ULK4: variants seen among roughly 807,000 people sequenced by gnomAD.
ULK4 encodes the protein inactive serine/threonine-protein kinase ULK4.
Under a neutral mutation model 160.6 loss-of-function variants are expected in ULK4, and 133 were observed. The ratio of observed to expected loss-of-function variants is 0.83; its 90% CI spans 0.72 to 0.96. ULK4 has a LOEUF of 0.96. Among genes scored for constraint, ULK4 ranks in the 40% least tolerant of loss-of-function variants. The probability of loss-of-function intolerance (pLI) is 0.00; values close to 1 mark genes in which losing one functional copy is unlikely to be tolerated. For missense variants in ULK4, 1,580 were observed against 1,499.5 expected, an observed-to-expected ratio of 1.05 and a Z score of -0.89; for synonymous variants, 534 against 539.8, an observed-to-expected ratio of 0.99 and a Z score of 0.15.
At chr3:41,799,754 T>C (rs1001826598) in intron 20 of ULK4, among the ~76,000 whole-genome samples, 7 of 152,172 alleles carry the variant, frequency 4.6e-5, no homozygotes, top group Admixed American at 2.6e-4. Context: ...TCCCAGCTAC[T>C]TGGGAGGCTG....
intron 35 of ULK4, among the ~76,000 whole-genome samples, chr3:41,261,690 C>G (rs1376382960): frequency 6.6e-6 from 1 of 152,136 alleles, no homozygotes; most frequent in Non-Finnish European, 1.5e-5. Flanking sequence ...CATTTCCAGG[C>G]AAAGCAGGAA....
chr3:41,929,189 AC>A (rs1699493086), intron 5 of ULK4, among the ~76,000 whole-genome samples: 1 of 152,206 alleles, frequency 6.6e-6, no homozygotes, highest in Non-Finnish European at 1.5e-5. Context: ...GGTTCAACAT[AC>A]ACAAATCAAT....
chr3:41,871,495 C>G (rs1037112694), intron 17 of ULK4, among the ~76,000 whole-genome samples: 18 of 152,346 alleles, frequency 1.2e-4, no homozygotes, highest in Admixed American at 9.8e-4. Context: ...ATATACAGAG[C>G]TAGTTTTTCA....
chr3:41,540,512 C>T (rs1458364564), intron 32 of ULK4, among the ~76,000 whole-genome samples: 1 of 152,182 alleles, frequency 6.6e-6, no homozygotes, highest in Admixed American at 6.5e-5. Context: ...GTGCATGTGT[C>T]TTTATAGAAG....
chr3:41,689,808 G>T (rs13323270), intron 27 of ULK4, among the ~76,000 whole-genome samples: 15,910 of 150,284 alleles, frequency 0.11, 2,080 homozygotes, highest in African/African-American at 0.32. Flanking sequence ...CTGGAGAGGA[G>T]GTGGAGAAAT....
At chr3:41,855,035 G>C (rs775483639) in intron 17 of ULK4, 2 of 150,456 alleles carry the variant, frequency 1.3e-5, no homozygotes, top group Non-Finnish European at 2.9e-5. Flanking sequence ...TCACAGAATC[G>C]GCCTCTGAAT....
At chr3:41,487,050 G>A (rs1367449353) in intron 32 of ULK4, among the ~76,000 whole-genome samples, 2 of 152,150 alleles carry the variant, frequency 1.3e-5, no homozygotes, top group African/African-American at 4.8e-5. Flanking sequence ...TAATCAGTAC[G>A]TAGTTTCCTT....
intron 30 of ULK4, among the ~76,000 whole-genome samples, chr3:41,656,966 T>C (rs986480863): frequency 6.6e-6 from 1 of 152,186 alleles, no homozygotes; most frequent in African/African-American, 2.4e-5. Flanking sequence ...TTGCTTTCTC[T>C]GAGAGGAATG....
chr3:41,424,955 T>C (rs1221322673), intron 34 of ULK4, among the ~76,000 whole-genome samples: 1 of 151,692 alleles, frequency 6.6e-6, no homozygotes, highest in African/African-American at 2.4e-5. Flanking sequence ...GATGGTGGAA[T>C]TGACAGAAGT....
intron 32 of ULK4, among the ~76,000 whole-genome samples, chr3:41,535,866 T>C (rs891923785): frequency 1.3e-5 from 2 of 152,204 alleles, no homozygotes; most frequent in Non-Finnish European, 2.9e-5. Context: ...CTGACCTCAA[T>C]GTACTCCTGC....
At chr3:41,521,884 G>C (rs924345311) in intron 32 of ULK4, among the ~76,000 whole-genome samples, 4 of 152,062 alleles carry the variant, frequency 2.6e-5, no homozygotes, top group Non-Finnish European at 5.9e-5. Context: ...CAATTGCCTT[G>C]CCATGTTACT....
intron 2 of ULK4, among the ~76,000 whole-genome samples, chr3:41,949,219 G>A (rs936374217): frequency 1.4e-4 from 21 of 151,930 alleles, no homozygotes; most frequent in Non-Finnish European, 1.5e-4. Flanking sequence ...TGAGGCAGGA[G>A]AATCGTTTGA....
intron 17 of ULK4, among the ~76,000 whole-genome samples, chr3:41,838,450 G>A (rs2041822619): frequency 6.6e-6 from 1 of 151,940 alleles, no homozygotes; most frequent in African/African-American, 2.4e-5. Context: ...ATGTATGTAT[G>A]TATATAATAC....
chr3:41,835,333 T>A (rs2041721979), intron 18 of ULK4, among the ~76,000 whole-genome samples: 1 of 152,240 alleles, frequency 6.6e-6, no homozygotes, highest in Non-Finnish European at 1.5e-5. Flanking sequence ...ATCTATTCCA[T>A]AATATTCTTT....
intron 24 of ULK4, 45 bp from the exon 25 acceptor site, chr3:41,715,338 A>G (rs2037230309): frequency 6.2e-7 from 1 of 1,611,836 alleles, no homozygotes; most frequent in East Asian, 2.2e-5. Flanking sequence ...GAAGCTATGT[A>G]CAACGTTAGC....
rs561360370 is a variant in ULK4, at chr3:41,903,730, A to G, written c.1183-2901T>C. On this transcript the variant is annotated intron_variant, in intron 12 of 36. Coordinates refer to ENST00000301831, the MANE Select transcript of ULK4 (RefSeq NM_017886.4). ...ACTCACAACAGCAAAAATATATAAA[A>G]TAAAATGTTCAGGAATAAACTAAAT... Among the ~76,000 whole-genome samples the G allele has an allele frequency of 1.5e-3, 234 of 152,356 alleles. 1 individual carries two copies. Among genetic ancestry groups the G allele is most frequent in the African/African-American group, 5.4e-3 (223 of 41,576 alleles).
chr3:41,813,933 T>C (rs1213198203), intron 19 of ULK4, among the ~76,000 whole-genome samples: 1 of 152,238 alleles, frequency 6.6e-6, no homozygotes, highest in Non-Finnish European at 1.5e-5. Flanking sequence ...GCTTACCAGG[T>C]ACAGAGTTGC....
chr3:41,832,452 T>C (rs553407723), intron 18 of ULK4, among the ~76,000 whole-genome samples: 1 of 152,346 alleles, frequency 6.6e-6, no homozygotes, highest in African/African-American at 2.4e-5. Flanking sequence ...CTTTGTCAGA[T>C]GGGTAGATTG....
At chr3:41,308,918 A>G (rs189070393) in intron 35 of ULK4, among the ~76,000 whole-genome samples, 31 of 152,360 alleles carry the variant, frequency 2.0e-4, no homozygotes, top group South Asian at 1.5e-3. Flanking sequence ...GAAAATATGT[A>G]TAAGAAGAGG....
Sources: allele counts gnomAD v4.1 joint callset (sites outside exome capture counted in the v4.1 genomes callset), GRCh38; gene constraint gnomAD v4.1.1; transcripts MANE v1.5; gene names NCBI Gene and HGNC (gene_info 2026-07-23, HGNC 2026-07-21).